Variants in PREX2 observed in about 807,000 individuals in gnomAD.
The protein encoded by PREX2 is phosphatidylinositol 3,4,5-trisphosphate-dependent Rac exchanger 2 protein.
A neutral mutation model predicts 203.2 loss-of-function variants in PREX2; 107 were observed. The observed-to-expected ratio is 0.53, with a 90% CI of 0.45 to 0.62. The LOEUF is 0.62. PREX2 is among the 20% of genes least tolerant of loss of function. PREX2 has a pLI of 0.00. For missense variants in PREX2, 1,777 were observed against 1,955.9 expected, an observed-to-expected ratio of 0.91 and a Z score of 1.72; for synonymous variants, 672 against 663.6, an observed-to-expected ratio of 1.01 and a Z score of -0.19.
At chr8:68,172,033 C>A (rs1401139410) in intron 35 of PREX2, among the ~76,000 whole-genome samples, 1 of 152,018 alleles carries the variant, frequency 6.6e-6, no homozygotes, top group Non-Finnish European at 1.5e-5. Context: ...TTTTTAATAT[C>A]TTAAGATGCA....
At chr8:68,151,815 A>G (rs1811441481) in intron 34 of PREX2, among the ~76,000 whole-genome samples, 1 of 150,464 alleles carries the variant, frequency 6.6e-6, no homozygotes, top group Non-Finnish European at 1.5e-5. Flanking sequence ...CAAACCAACC[A>G]CCCCTAAGTC....
intron 34 of PREX2, 47 bp downstream of exon 34, chr8:68,146,399 C>G: frequency 7.0e-7 from 1 of 1,434,100 alleles, no homozygotes; most frequent in South Asian, 1.3e-5. Flanking sequence ...ATTATTTTAT[C>G]TTTATTAATG....
intron 21 of PREX2, among the ~76,000 whole-genome samples, chr8:68,096,678 A>G (rs1946666): frequency 0.26 from 38,932 of 151,934 alleles, 5,025 homozygotes; most frequent in South Asian, 0.33. Flanking sequence ...GCAGTTTTAG[A>G]AATCCTGACT....
chr8:68,051,431 C>CAT (rs1808524268), intron 8 of PREX2, among the ~76,000 whole-genome samples: 1 of 152,104 alleles, frequency 6.6e-6, no homozygotes, highest in African/African-American at 2.4e-5. Flanking sequence ...AGAGAGAAGA[C>CAT]AGCCTGAAAA....
intron 32 of PREX2, 32 bp from the exon 33 acceptor site, chr8:68,138,383 T>C: frequency 1.7e-6 from 2 of 1,146,422 alleles, no homozygotes; most frequent in Non-Finnish European, 2.5e-6. Flanking sequence ...TTATATCATC[T>C]TGTATTATAT....
At chr8:68,114,204 A>G (rs1810595876) in intron 25 of PREX2, 1 of 404,436 alleles carries the variant, frequency 2.5e-6, no homozygotes, top group Admixed American at 2.5e-5. Context: ...AGCACCAAGA[A>G]CAGTGCATGG....
chr8:68,231,564 G>C lies in PREX2; in HGVS notation c.*186G>C, dbSNP rs1300513327. 2.3e-6 allele frequency: 1 copy of C among 432,180 alleles called. No homozygotes were observed. The highest frequency in any genetic ancestry group is 2.1e-5 in the African/African-American group (1 of 48,328). 26.8% of individuals were successfully genotyped at this position (432,180 alleles called of 1,614,324 possible). A position where few individuals can be genotyped will look rare whatever the true frequency, so the allele number is the denominator to read the frequency against. On this transcript the variant is annotated 3_prime_UTR_variant, in exon 40 of 40. Coordinates refer to ENST00000288368, the MANE Select transcript of PREX2 (RefSeq NM_024870.4). ...ATACTTTGATATTTATGCTGGAAATGGATAGAAGTTCAATCAGACAGTTCA... is the reference window on the plus strand; with the variant it reads ...ATACTTTGATATTTATGCTGGAAATCGATAGAAGTTCAATCAGACAGTTCA...
intron 23 of PREX2, chr8:68,101,480 A>G (rs1382564664): frequency 1.9e-6 from 1 of 518,190 alleles, no homozygotes; most frequent in Non-Finnish European, 3.9e-6. Flanking sequence ...TGCTGAGTTC[A>G]GTTCACCTAC....
At chr8:68,127,964 T>G (rs1810928566) in intron 31 of PREX2, among the ~76,000 whole-genome samples, 1 of 152,116 alleles carries the variant, frequency 6.6e-6, no homozygotes, top group South Asian at 2.1e-4. Flanking sequence ...AGCAAATGCC[T>G]AAAATAGTGG....
At chr8:68,135,739 A>C (rs1811102939) in intron 32 of PREX2, among the ~76,000 whole-genome samples, 1 of 152,192 alleles carries the variant, frequency 6.6e-6, no homozygotes, top group African/African-American at 2.4e-5. Flanking sequence ...ATCTAAAATA[A>C]ATGAAAACTT....
In PREX2 at chr8:68,072,477, T is replaced by C; in HGVS notation, c.1494-18T>C. The C allele has an allele frequency of 1.4e-5, 20 of 1,459,476 alleles. No individual in the cohort carries two copies. Among genetic ancestry groups the C allele is most frequent in the Non-Finnish European group, 1.9e-5 (20 of 1,054,260 alleles). The allele number at this position is 1,459,476 out of a possible 1,614,324, so 90.4% of individuals were successfully genotyped here. On this transcript the variant is annotated intron_variant, in intron 13 of 39. Coordinates refer to ENST00000288368, the MANE Select transcript of PREX2 (RefSeq NM_024870.4). The stretch of plus-strand genomic sequence containing the variant: ...ATTTTTGTTTTTTGTTTGTTTGTTT[T>C]TATTTTTTCCTTTATAGAGATAAAG...
chr8:68,049,106 T>C (rs1029381439), intron 8 of PREX2, among the ~76,000 whole-genome samples: 2 of 146,228 alleles, frequency 1.4e-5, no homozygotes, highest in African/African-American at 2.5e-5. Context: ...AAAGGAAAAG[T>C]CAATTAGAAT....
chr8:68,152,289 G>GAAA lies in PREX2; in HGVS notation c.4232-5014_4232-5012dup, dbSNP rs573525316. Reference sequence around the variant, plus strand: ...CGACAGAGCGAGACTCCCTCTCAGAGAAAAAAAAAAAAAAAAAAAAAGATA... The same window carrying GAAA: ...CGACAGAGCGAGACTCCCTCTCAGAGAAAAAAAAAAAAAAAAAAAAAAAAGATA... On this transcript the variant is annotated intron_variant, in intron 34 of 39. Transcript: ENST00000288368. 1.0e-3 allele frequency among the ~76,000 whole-genome samples: 74 copies of GAAA among 72,902 alleles called. 2 individuals are homozygous for GAAA. The highest frequency in any genetic ancestry group is 9.8e-3 in the Middle Eastern group (1 of 102). The allele number at this position is 72,902 out of a possible 152,430, so 47.8% of individuals were successfully genotyped here.
intron 37 of PREX2, among the ~76,000 whole-genome samples, chr8:68,202,204 A>G (rs1486661970): frequency 6.6e-6 from 1 of 152,088 alleles, no homozygotes; most frequent in Non-Finnish European, 1.5e-5. Context: ...CCAGCCAGGT[A>G]GCACATATTT....
At chr8:68,054,771 C>G (rs573687140) in intron 9 of PREX2, among the ~76,000 whole-genome samples, 160 of 152,298 alleles carry the variant, frequency 1.1e-3, no homozygotes, top group African/African-American at 3.8e-3. Flanking sequence ...GTGTTTTCAC[C>G]TGAGTCCTGG....
intron 35 of PREX2, among the ~76,000 whole-genome samples, chr8:68,185,531 C>T (rs1812172167): frequency 6.6e-6 from 1 of 152,162 alleles, no homozygotes; most frequent in South Asian, 2.1e-4. Context: ...ACTCTTTATA[C>T]CTTTAATTTC....
At chr8:68,109,851 A>T (rs1810502755) in intron 25 of PREX2, among the ~76,000 whole-genome samples, 1 of 152,194 alleles carries the variant, frequency 6.6e-6, no homozygotes, top group Non-Finnish European at 1.5e-5. Flanking sequence ...GAATGACAAA[A>T]TTCTGTCTTA....
At chr8:68,017,512 C>A (rs551022687) in intron 1 of PREX2, among the ~76,000 whole-genome samples, 106 of 152,258 alleles carry the variant, frequency 7.0e-4, no homozygotes, top group African/African-American at 2.4e-3. Context: ...ATGCCATTTT[C>A]CATTAAATTT....
Position 68,138,450 on chromosome 8 carries a change from T to C in PREX2, c.4020T>C (p.Val1340=), listed in dbSNP as rs1220318791. 6.2e-7 allele frequency: 1 copy of C among 1,605,132 alleles called. No individual in the cohort carries two copies. The highest frequency in any genetic ancestry group is 2.2e-5 in the East Asian group (1 of 44,484). The part of the protein sequence containing the change: ...DEQAMLEDTL[V]ALFDLEKVSF... ...AAGCCATGTTAGAAGATACACTGGT[T>C]GCACTATTTGATTTGGAAAAGGTTT... Residue 1340 remains valine (V), a synonymous_variant, in exon 33 of 40, where the codon GTT becomes GTC. Coordinates refer to ENST00000288368, the MANE Select transcript of PREX2 (RefSeq NM_024870.4).
Sources: allele counts gnomAD v4.1 joint callset (sites outside exome capture counted in the v4.1 genomes callset), GRCh38; gene constraint gnomAD v4.1.1; transcripts MANE v1.5; gene names NCBI Gene and HGNC (gene_info 2026-07-23, HGNC 2026-07-21).